SLC2A9: variants seen among roughly 807,000 people sequenced by gnomAD.
SLC2A9 encodes solute carrier family 2 member 9, also known as solute carrier family 2, facilitated glucose transporter member 9.
A neutral mutation model predicts 50.6 loss-of-function variants in SLC2A9; 39 were observed. The ratio of observed to expected loss-of-function variants is 0.77; its 90% CI spans 0.60 to 1.01. SLC2A9 has a LOEUF of 1.01. Among genes scored for constraint, SLC2A9 ranks in the 50% least tolerant of loss-of-function variants. SLC2A9 has a pLI of 0.00. For missense variants in SLC2A9, 686 were observed against 677.6 expected, an observed-to-expected ratio of 1.01 and a Z score of -0.14; for synonymous variants, 324 against 276.9, an observed-to-expected ratio of 1.17 and a Z score of -1.69.
At chr4:9,981,227 G>GCTGGTGATGGTA (rs1299139326) in intron 4 of SLC2A9, among the ~76,000 whole-genome samples, 1 of 152,078 alleles carries the variant, frequency 6.6e-6, no homozygotes, top group Non-Finnish European at 1.5e-5. Flanking sequence ...TGGTGGTGGT[G>GCTGGTGATGGTA]ATGACTGTGA....
chr4:9,931,928 C>CTCTCTCTCTCTCAA (rs1553878762), intron 6 of SLC2A9, among the ~76,000 whole-genome samples: 20 of 38,266 alleles, frequency 5.2e-4, no homozygotes, highest in Admixed American at 6.7e-4. Context: ...CTCTCTCTCT[C>CTCTCTCTCTCTCAA]TCTCTCTCTC....
chr4:9,932,756 C>A lies in SLC2A9; in HGVS notation c.814+9157G>T, dbSNP rs547850130. ...TATTGGGACTCAGCCCCACAACCAC[C>A]CTTTTAGAACTCTTCTGTGTCATGG... On this transcript the variant is annotated intron_variant, in intron 6 of 11. Coordinates refer to ENST00000264784, the MANE Select transcript of SLC2A9 (RefSeq NM_020041.3). 2.0e-4 allele frequency among the ~76,000 whole-genome samples: 30 copies of A among 152,320 alleles called. No homozygotes were observed. In the South Asian group the frequency reaches 4.1e-3, roughly 21 times the overall value.
intron 2 of SLC2A9, among the ~76,000 whole-genome samples, chr4:10,016,581 C>A (rs6827785): frequency 2.8e-5 from 4 of 141,298 alleles, no homozygotes; most frequent in South Asian, 2.2e-4. Context: ...TTTCCCGAAA[C>A]GGAGGGAGGG....
At chr4:10,014,774 G>A (rs991272307) in intron 2 of SLC2A9, among the ~76,000 whole-genome samples, 2 of 152,128 alleles carry the variant, frequency 1.3e-5, no homozygotes, top group Non-Finnish European at 2.9e-5. Flanking sequence ...GATGTGTGTC[G>A]TTTTCATCTT....
At chr4:10,005,291 G>T (rs76388621) in intron 2 of SLC2A9, among the ~76,000 whole-genome samples, 4,465 of 152,302 alleles carry the variant, frequency 0.029, 96 homozygotes, top group Middle Eastern at 0.075. Flanking sequence ...ATTCTTGAAG[G>T]TGCAGAAACC....
At chr4:9,781,924 C>G in intron 3 of SLC2A9, 1 of 1,025,986 alleles carries the variant, frequency 9.7e-7, no homozygotes, top group Non-Finnish European at 1.3e-6. Flanking sequence ...GCTCGAGGGT[C>G]CCTTGGCTGA....
At chr4:9,774,660 T>C (rs1717298563) in intron 1 of SLC2A9, among the ~76,000 whole-genome samples, 1 of 152,186 alleles carries the variant, frequency 6.6e-6, no homozygotes, top group Non-Finnish European at 1.5e-5. Flanking sequence ...GCAAAGACCA[T>C]GGTATGCCTG....
At chr4:9,809,824 T>C (rs996122918) in intron 3 of SLC2A9, among the ~76,000 whole-genome samples, 9 of 151,964 alleles carry the variant, frequency 5.9e-5, no homozygotes, top group African/African-American at 1.9e-4. Flanking sequence ...ACAACCCTAA[T>C]CTAGCCGCCA....
At chr4:9,931,940 C>CAATCTCTCTCTCTCTCAA (rs1238084816) in intron 6 of SLC2A9, among the ~76,000 whole-genome samples, 1 of 58,208 alleles carries the variant, frequency 1.7e-5, no homozygotes, top group Non-Finnish European at 2.9e-5. Context: ...CTCTCTCTCT[C>CAATCTCTCTCTCTCTCAA]TCTCTCTCTC....
intron 11 of SLC2A9, 102 bp from the exon 12 acceptor site, chr4:9,826,702 C>T: frequency 2.8e-6 from 3 of 1,060,526 alleles, no homozygotes; most frequent in South Asian, 1.3e-5. Context: ...ATTCATATAC[C>T]AATACTCCTA....
chr4:9,880,240 T>A, intron 10 of SLC2A9: 1 of 985,470 alleles, frequency 1.0e-6, no homozygotes, highest in African/African-American at 1.7e-5. Context: ...AATGTGAGTT[T>A]AAATGAAGCT....
chr4:9,783,323 G>T (rs1718770104), intron 3 of SLC2A9: 1 of 1,614,202 alleles, frequency 6.2e-7, no homozygotes, highest in African/African-American at 1.3e-5. Context: ...CGAGGAGGAG[G>T]GTCCTTTCGA....
At chr4:9,834,327 T>A (rs2109140726) in intron 11 of SLC2A9, among the ~76,000 whole-genome samples, 1 of 152,330 alleles carries the variant, frequency 6.6e-6, no homozygotes, top group African/African-American at 2.4e-5. Flanking sequence ...GGCACACAGC[T>A]GGGACTCAAC....
intron 2 of SLC2A9, among the ~76,000 whole-genome samples, chr4:10,004,106 G>A (rs1760350704): frequency 6.6e-6 from 1 of 152,190 alleles, no homozygotes; most frequent in Non-Finnish European, 1.5e-5. Context: ...TAAAGATGAT[G>A]ATATCAATAC....
chr4:9,874,679 C>T (rs955988033), intron 10 of SLC2A9, among the ~76,000 whole-genome samples: 23 of 152,240 alleles, frequency 1.5e-4, no homozygotes, highest in African/African-American at 5.5e-4. Context: ...GGAGATGGTG[C>T]AGTCCTGTTG....
intron 10 of SLC2A9, among the ~76,000 whole-genome samples, chr4:9,859,538 G>A (rs1467514819): frequency 6.6e-6 from 1 of 152,220 alleles, no homozygotes; most frequent in Non-Finnish European, 1.5e-5. Context: ...CAGCCATGAG[G>A]CCAAGTGAGG....
At chr4:9,978,817 T>A (rs1398523498) in intron 5 of SLC2A9, among the ~76,000 whole-genome samples, 2 of 152,230 alleles carry the variant, frequency 1.3e-5, no homozygotes. Flanking sequence ...CTCGATTGGC[T>A]GAAATATAAA....
At chr4:9,846,020 G>GT (rs1255137917) in intron 10 of SLC2A9, among the ~76,000 whole-genome samples, 16 of 152,178 alleles carry the variant, frequency 1.1e-4, no homozygotes, top group Non-Finnish European at 1.6e-4. Flanking sequence ...ACTAGTTGAT[G>GT]TAAGAACTAT....
chr4:9,876,096 A>C (rs530573055), intron 10 of SLC2A9, among the ~76,000 whole-genome samples: 123 of 152,342 alleles, frequency 8.1e-4, no homozygotes, highest in African/African-American at 2.8e-3. Context: ...TAAATATCAC[A>C]ATGGTTTGCA....
Sources: allele counts gnomAD v4.1 joint callset (sites outside exome capture counted in the v4.1 genomes callset), GRCh38; gene constraint gnomAD v4.1.1; transcripts MANE v1.5; gene names NCBI Gene and HGNC (gene_info 2026-07-23, HGNC 2026-07-21).